STK3: variants seen among roughly 807,000 people sequenced by gnomAD.
STK3 encodes serine/threonine kinase 3.
A neutral mutation model predicts 58.0 loss-of-function variants in STK3; 41 were observed. The observed-to-expected ratio is 0.71, with a 90% CI of 0.55 to 0.92. STK3 has a LOEUF of 0.92. STK3 is among the 40% of genes least tolerant of loss of function. STK3 has a pLI of 0.00. For synonymous variants in STK3, 170 were observed against 191.0 expected (o/e 0.89, Z 0.91); for missense variants, 479 against 602.7 (o/e 0.79, Z 2.15).
intron 3 of STK3, among the ~76,000 whole-genome samples, chr8:98,873,032 T>A (rs1327939882): frequency 1.3e-5 from 2 of 152,240 alleles, no homozygotes; most frequent in Non-Finnish European, 2.9e-5. Flanking sequence ...GATTCTGGTA[T>A]GTTGTGTCTT....
chr8:98,792,514 T>C lies in STK3; in HGVS notation c.27-17695A>G, dbSNP rs560311132. ...GAGTTCGAGACCAGGCTGACCAACA[T>C]GGAGAAACCCCGCCCCTACTAAAAA... On this transcript the variant is annotated intron_variant, in intron 1 of 10. Coordinates refer to ENST00000419617, the MANE Select transcript of STK3 (RefSeq NM_006281.4). Among the ~76,000 whole-genome samples the C allele has an allele frequency of 2.6e-5, 4 of 152,166 alleles. No homozygotes were observed. In the South Asian group the frequency reaches 8.3e-4, roughly 32 times the overall value.
chr8:98,706,663 C>A (rs1457803589), intron 5 of STK3, 29 bp from the exon 6 acceptor site: 4 of 1,513,360 alleles, frequency 2.6e-6, no homozygotes, highest in East Asian at 2.5e-5. Flanking sequence ...GCCATAAATG[C>A]TACTACAAAA....
At position 98,445,548 on chromosome 8, in the gene STK3, A is replaced by G. The variant is rs139892660; in HGVS notation, n.186-8340T>C. ...TTTTCACAGTAAAATATCGTATGTC[A>G]TATCTTTTCTCATTTGTTCTTAATT... is the stretch of plus-strand genomic sequence containing the variant. On this transcript the variant is annotated intron_variant and non_coding_transcript_variant, in intron 1 of 3. Coordinates refer to the STK3 transcript ENST00000517832. Among the ~76,000 whole-genome samples the G allele has an allele frequency of 2.0e-5, 3 of 152,190 alleles. No homozygotes were observed. In the South Asian group the frequency reaches 6.2e-4, roughly 32 times the overall value.
chr8:98,860,594 T>A (rs902302498), intron 3 of STK3, among the ~76,000 whole-genome samples: 2 of 152,202 alleles, frequency 1.3e-5, no homozygotes, highest in Non-Finnish European at 1.5e-5. Context: ...AAGTACATGA[T>A]AACGCGCAGA....
chr8:98,547,929 G>C (rs376850097), intron 9 of STK3, 40 bp downstream of exon 9: 3 of 1,466,052 alleles, frequency 2.0e-6, no homozygotes, highest in African/African-American at 2.9e-5. Context: ...GTATCCTTTC[G>C]AATTAGAAAA....
chr8:98,547,899 C>G, intron 9 of STK3, 70 bp downstream of exon 9: 1 of 1,341,134 alleles, frequency 7.5e-7, no homozygotes, highest in Non-Finnish European at 9.7e-7. Flanking sequence ...TAACACAGAA[C>G]TAGCCTGGTT....
intron 3 of STK3, among the ~76,000 whole-genome samples, chr8:98,402,168 C>T (rs1291908578): frequency 6.6e-6 from 1 of 152,104 alleles, no homozygotes; most frequent in African/African-American, 2.4e-5. Flanking sequence ...AAGGTAGCAT[C>T]CTCATCACAT....
intron 6 of STK3, among the ~76,000 whole-genome samples, chr8:98,705,403 AC>A (rs1284946127): frequency 6.6e-6 from 1 of 150,860 alleles, no homozygotes; most frequent in Non-Finnish European, 1.5e-5. Flanking sequence ...ACAGAGTGAG[AC>A]CTTATCTCAA....
rs1412321223 is a variant in STK3 at position 98,574,141 on chromosome 8, G to GCCCCCTCCC, written c.948+5522_948+5523insGGGAGGGGG. Among the ~76,000 whole-genome samples the GCCCCCTCCC allele has an allele frequency of 7.2e-5, 11 of 152,226 alleles. No individual in the cohort carries two copies. The East Asian group carries it at 2.1e-3, about 29-fold the overall frequency. On this transcript the variant is annotated intron_variant, in intron 8 of 10. Transcript: ENST00000419617. ...TATCAACTGTTGGCTATAGGAACCA[G>GCCCCCTCCC]AAAAGTAACAGGAAAAGTAAAAAAT...
intron 10 of STK3, among the ~76,000 whole-genome samples, chr8:98,521,708 A>C (rs1421359888): frequency 2.0e-5 from 3 of 152,084 alleles, no homozygotes; most frequent in Admixed American, 6.6e-5. Context: ...ACTACCACAG[A>C]CTTGAAGGTC....
At chr8:98,805,967 A>C (rs1051114122) in intron 1 of STK3, among the ~76,000 whole-genome samples, 9 of 152,218 alleles carry the variant, frequency 5.9e-5, no homozygotes, top group African/African-American at 2.2e-4. Flanking sequence ...GCACACACAC[A>C]TACACAAAGA....
chr8:98,359,737 G>A, the STK3 span, among the ~76,000 whole-genome samples: 5 of 151,988 alleles, frequency 3.3e-5, no homozygotes, highest in East Asian at 1.9e-4. Flanking sequence ...TCAGTGGCTC[G>A]CATACCCCAA....
At chr8:98,913,613 A>G (rs1032118739) in intron 1 of STK3, among the ~76,000 whole-genome samples, 1 of 152,272 alleles carries the variant, frequency 6.6e-6, no homozygotes, top group African/African-American at 2.4e-5. Flanking sequence ...ATGCCAGGTA[A>G]GAAGATTTTC....
chr8:98,425,021 C>G (rs1818212762), intron 3 of STK3, among the ~76,000 whole-genome samples: 4 of 152,176 alleles, frequency 2.6e-5, no homozygotes. Flanking sequence ...TTGCAGCCAC[C>G]ATCACCCCGC....
chr8:98,592,136 T>C (rs1027128140), intron 7 of STK3, among the ~76,000 whole-genome samples: 1 of 152,222 alleles, frequency 6.6e-6, no homozygotes, highest in Non-Finnish European at 1.5e-5. Flanking sequence ...TTACATTCTC[T>C]TGTTTACATA....
At chr8:98,534,062 C>A (rs1809561870) in intron 9 of STK3, among the ~76,000 whole-genome samples, 1 of 152,148 alleles carries the variant, frequency 6.6e-6, no homozygotes, top group Non-Finnish European at 1.5e-5. Flanking sequence ...GTGACTACTA[C>A]AATTATTATT....
At chr8:98,694,518 A>G (rs1316692097) in intron 6 of STK3, among the ~76,000 whole-genome samples, 4 of 152,116 alleles carry the variant, frequency 2.6e-5, no homozygotes, top group Non-Finnish European at 1.5e-5. Context: ...ACCCCAGAAC[A>G]GTCCCCAGAG....
intron 9 of STK3, among the ~76,000 whole-genome samples, chr8:98,534,749 A>G (rs1809621563): frequency 6.6e-6 from 1 of 152,184 alleles, no homozygotes; most frequent in African/African-American, 2.4e-5. Context: ...TCAGAATTGA[A>G]ACTCGGTTCC....
chr8:98,361,296 A>C, the STK3 span, among the ~76,000 whole-genome samples: 1 of 150,486 alleles, frequency 6.6e-6, no homozygotes, highest in African/African-American at 2.5e-5. Context: ...GTAGCTGCAG[A>C]AAAAAAAATG....
Sources: gnomAD v4.1 joint callset for allele counts (sites outside exome capture counted in the v4.1 genomes callset) on GRCh38, gnomAD v4.1.1 for gene constraint, MANE v1.5 for transcripts, NCBI Gene and HGNC (gene_info 2026-07-23, HGNC 2026-07-21) for gene names.